ATF7IP2: variants seen among roughly 807,000 people sequenced by gnomAD.
ATF7IP2 encodes the protein activating transcription factor 7-interacting protein 2.
In ATF7IP2, 42 loss-of-function variants were observed where a neutral mutation model predicts 64.2. That is an observed-to-expected ratio of 0.65 (90% CI 0.51 to 0.85). The LOEUF (loss-of-function observed/expected upper bound fraction) is 0.85, where lower values mean the gene tolerates loss of function less well. ATF7IP2 is among the 40% of genes least tolerant of loss of function. The pLI, the probability that ATF7IP2 is intolerant of heterozygous loss-of-function variation, is 0.00. For missense variants in ATF7IP2, 933 were observed against 784.2 expected (o/e 1.19, Z -2.27); for synonymous variants, 308 against 272.8 (o/e 1.13, Z -1.27).
intron 1 of ATF7IP2, among the ~76,000 whole-genome samples, chr16:10,405,096 C>CT (rs1352333138): frequency 6.6e-6 from 1 of 152,064 alleles, no homozygotes; most frequent in Non-Finnish European, 1.5e-5. Context: ...GGTGCCGTGG[C>CT]TCATGCCTGT....
In ATF7IP2 at chr16:10,461,881, G is replaced by A. The variant is rs191987677; in HGVS notation, c.1352+4352G>A. Among the ~76,000 whole-genome samples the A allele has an allele frequency of 8.9e-4, 135 of 152,148 alleles. 1 individual carries two copies. Among genetic ancestry groups the A allele is most frequent in the African/African-American group, 3.1e-3 (127 of 41,556 alleles). On this transcript the variant is annotated intron_variant, in intron 9 of 13. Transcript: ENST00000562102. ...TCTGAAAATAATTATCTTTTAATCA[G>A]AAAAATGATTTATGCTTAGTGTAAT... is the stretch of plus-strand genomic sequence containing the variant.
chr16:10,474,121 G>T, intron 12 of ATF7IP2, 132 bp downstream of exon 12: 2 of 594,448 alleles, frequency 3.4e-6, no homozygotes, highest in Non-Finnish European at 5.9e-6. Flanking sequence ...TGCAGTTTTA[G>T]CTCATGTGCA....
intron 1 of ATF7IP2, among the ~76,000 whole-genome samples, chr16:10,389,248 G>A (rs1262246337): frequency 6.6e-6 from 1 of 152,138 alleles, no homozygotes; most frequent in African/African-American, 2.4e-5. Context: ...TGTAGTCATG[G>A]TAGTCTATCT....
In ATF7IP2 at chr16:10,473,462, TG is replaced by T; in HGVS notation, c.1427-16del. 1 of 1,497,516 alleles carries T rather than the reference TG, an allele frequency of 6.7e-7. No homozygotes were observed. Among genetic ancestry groups the T allele is most frequent in the Non-Finnish European group, 9.3e-7 (1 of 1,080,658 alleles). The allele number at this position is 1,497,516 out of a possible 1,614,324, so 92.8% of individuals were successfully genotyped here. ...AATATTGTGTAATAAATTTGTCAAA[TG>T]TCTAATTTCTTTCAGATACCAGAAA... On this transcript the variant is annotated splice_polypyrimidine_tract_variant and intron_variant, in intron 10 of 13. Coordinates refer to ENST00000562102, the MANE Select transcript of ATF7IP2 (RefSeq NM_001393719.1).
At chr16:10,392,235 C>T (rs893017873) in intron 1 of ATF7IP2, among the ~76,000 whole-genome samples, 7 of 151,542 alleles carry the variant, frequency 4.6e-5, no homozygotes, top group Admixed American at 6.6e-5. Context: ...AATGGGGTTT[C>T]GCCATGTTGG....
intron 1 of ATF7IP2, among the ~76,000 whole-genome samples, chr16:10,403,585 A>G (rs2047576688): frequency 6.6e-6 from 1 of 152,212 alleles, no homozygotes; most frequent in Non-Finnish European, 1.5e-5. Flanking sequence ...CCTCAAAGGA[A>G]CATAGGAATT....
rs149006305 is a variant in ATF7IP2, at chr16:10,433,412, C to T, written c.836-113C>T. ...CTGGTCTTGAACTCCTGGCCTTAAG[C>T]CACCCTCCCTCCTTAGCCTCCCAGA... On this transcript the variant is annotated intron_variant, in intron 5 of 13. Coordinates refer to ENST00000562102, the MANE Select transcript of ATF7IP2 (RefSeq NM_001393719.1). 43 of 959,180 alleles carry T rather than the reference C, an allele frequency of 4.5e-5. No homozygotes were observed. The East Asian group carries it at 6.7e-4, about 15-fold the overall frequency. 59.4% of individuals were successfully genotyped at this position (959,180 alleles called of 1,614,324 possible).
intron 8 of ATF7IP2, among the ~76,000 whole-genome samples, chr16:10,454,526 T>C (rs1486939291): frequency 6.6e-6 from 1 of 152,064 alleles, no homozygotes; most frequent in Non-Finnish European, 1.5e-5. Flanking sequence ...TTATTATTTT[T>C]CCTTCTTGAT....
chr16:10,468,072 G>A (rs1214581697), intron 9 of ATF7IP2, among the ~76,000 whole-genome samples: 1 of 150,992 alleles, frequency 6.6e-6, no homozygotes, highest in Non-Finnish European at 1.5e-5. Flanking sequence ...TAGAGACGGG[G>A]TTTCTCCATG....
intron 8 of ATF7IP2, among the ~76,000 whole-genome samples, chr16:10,441,063 G>T (rs562101870): frequency 1.3e-5 from 2 of 152,210 alleles, no homozygotes; most frequent in Admixed American, 6.5e-5. Context: ...CATCCATGTC[G>T]CTGCAAAGGA....
At chr16:10,462,640 A>T (rs926133311) in intron 9 of ATF7IP2, among the ~76,000 whole-genome samples, 1 of 152,092 alleles carries the variant, frequency 6.6e-6, no homozygotes, top group Non-Finnish European at 1.5e-5. Flanking sequence ...TCATCAATAT[A>T]CTATAAGATG....
At chr16:10,418,248 G>T (rs747234851) in intron 2 of ATF7IP2, among the ~76,000 whole-genome samples, 1 of 152,230 alleles carries the variant, frequency 6.6e-6, no homozygotes, top group Non-Finnish European at 1.5e-5. Flanking sequence ...CGCCTTAAGC[G>T]GTTTTCCACC....
chr16:10,456,844 G>C (rs773317064), intron 8 of ATF7IP2, among the ~76,000 whole-genome samples: 3 of 152,144 alleles, frequency 2.0e-5, no homozygotes, highest in Non-Finnish European at 2.9e-5. Context: ...ATGGCACCTA[G>C]TGCATTTTTG....
rs566537968 is a variant in ATF7IP2 at position 10,481,996 on chromosome 16, C to G, written c.1796C>G (p.Thr599Ser). 5 of 1,613,998 alleles carry G rather than the reference C, an allele frequency of 3.1e-6. No individual in the cohort carries two copies. Among genetic ancestry groups the G allele is most frequent in the African/African-American group, 2.7e-5 (2 of 74,996 alleles). ...PNGIALTWNI[T>S]KINPKCAPVE... ...GGCATTGCCCTGACTTGGAATATAA[C>G]CAAAATCAATCCCAAGTGTGCTCCT... Residue 599 changes from threonine (T) to serine (S), a missense_variant, in exon 14 of 14, where the codon ACC becomes AGC. Coordinates refer to ENST00000562102, the MANE Select transcript of ATF7IP2 (RefSeq NM_001393719.1).
chr16:10,392,856 G>A (rs2047354216), intron 1 of ATF7IP2, among the ~76,000 whole-genome samples: 1 of 151,328 alleles, frequency 6.6e-6, no homozygotes, highest in Non-Finnish European at 1.5e-5. Context: ...GGTGTGATGG[G>A]CGCCCCTGAT....
At chr16:10,463,984 T>A (rs1279002763) in intron 9 of ATF7IP2, among the ~76,000 whole-genome samples, 4 of 152,148 alleles carry the variant, frequency 2.6e-5, no homozygotes, top group African/African-American at 9.6e-5. Flanking sequence ...TTCAGTCAGT[T>A]TTTGCTTGCT....
At chr16:10,440,308 C>T (rs1291223661) in intron 7 of ATF7IP2, 56 bp from the exon 8 acceptor site, 1 of 831,176 alleles carries the variant, frequency 1.2e-6, no homozygotes, top group African/African-American at 1.8e-5. Flanking sequence ...CCCTCTATCT[C>T]TATGTGATAT....
At chr16:10,481,339 C>T (rs925610572) in intron 13 of ATF7IP2, among the ~76,000 whole-genome samples, 3 of 150,816 alleles carry the variant, frequency 2.0e-5, no homozygotes, top group Admixed American at 2.0e-4. Context: ...CAAGTGAGTC[C>T]CCTGCCTCAG....
intron 1 of ATF7IP2, among the ~76,000 whole-genome samples, chr16:10,397,617 C>T (rs1400823083): frequency 2.0e-5 from 3 of 152,022 alleles, no homozygotes; most frequent in Non-Finnish European, 4.4e-5. Flanking sequence ...TGGCTCATGC[C>T]TACAATCCCA....
Sources: allele counts gnomAD v4.1 joint callset (sites outside exome capture counted in the v4.1 genomes callset), GRCh38; gene constraint gnomAD v4.1.1; transcripts MANE v1.5; gene names NCBI Gene and HGNC (gene_info 2026-07-23, HGNC 2026-07-21).